Variants in GPC6 observed in about 807,000 individuals in gnomAD.
GPC6 encodes the protein glypican 6, also known as glypican-6.
In GPC6, 14 loss-of-function variants were observed where a neutral mutation model predicts 55.2. The ratio of observed to expected loss-of-function variants is 0.25; its 90% confidence interval spans 0.17 to 0.40. GPC6 has a LOEUF of 0.40. GPC6 is among the 10% of genes least tolerant of loss of function. The probability of loss-of-function intolerance (pLI) is 1.00; values close to 1 mark genes in which losing one functional copy is unlikely to be tolerated. For missense variants in GPC6, 641 were observed against 708.5 expected (o/e 0.90, Z 1.08); for synonymous variants, 278 against 259.6 (o/e 1.07, Z -0.68).
chr13:94,023,213 GT>G (rs1882768001), intron 3 of GPC6, among the ~76,000 whole-genome samples: 1 of 151,572 alleles, frequency 6.6e-6, no homozygotes, highest in Non-Finnish European at 1.5e-5. Flanking sequence ...AGCTTGAGGT[GT>G]TATTCTATTT....
At chr13:94,205,960 G>A (rs1042640397) in intron 4 of GPC6, among the ~76,000 whole-genome samples, 1 of 152,138 alleles carries the variant, frequency 6.6e-6, no homozygotes, top group Non-Finnish European at 1.5e-5. Context: ...TGTGTGTAGG[G>A]TGCTGCTGGC....
At chr13:93,503,454 T>C (rs1159883144) in intron 1 of GPC6, among the ~76,000 whole-genome samples, 2 of 152,198 alleles carry the variant, frequency 1.3e-5, no homozygotes, top group African/African-American at 4.8e-5. Context: ...TTTTCATATT[T>C]CACTTTTCAA....
chr13:93,341,480 G>A (rs536156177), intron 1 of GPC6, among the ~76,000 whole-genome samples: 32 of 152,156 alleles, frequency 2.1e-4, no homozygotes, highest in Non-Finnish European at 3.7e-4. Context: ...GTTTTAATTT[G>A]CATATCCCTG....
chr13:93,495,979 T>C (rs1288446256), intron 1 of GPC6, among the ~76,000 whole-genome samples: 3 of 150,892 alleles, frequency 2.0e-5, no homozygotes, highest in African/African-American at 7.3e-5. Flanking sequence ...GTCTTTTTGT[T>C]TGTCTGTGCC....
chr13:93,263,967 C>T (rs756774938), intron 1 of GPC6, among the ~76,000 whole-genome samples: 16 of 152,120 alleles, frequency 1.1e-4, no homozygotes, highest in Non-Finnish European at 1.9e-4. Context: ...TCACTTGTTG[C>T]ACACCTCCAG....
At chr13:93,267,393 G>GT (rs201195056) in intron 1 of GPC6, among the ~76,000 whole-genome samples, 43,206 of 147,330 alleles carry the variant, frequency 0.29, 6,252 homozygotes, top group East Asian at 0.45. Flanking sequence ...ACAGGAGAGG[G>GT]TTTTTTTTTT....
intron 2 of GPC6, among the ~76,000 whole-genome samples, chr13:93,596,717 CAT>C (rs1877758468): frequency 1.4e-5 from 2 of 146,442 alleles, no homozygotes; most frequent in Admixed American, 6.9e-5. Context: ...TGTGTATACA[CAT>C]ATATAAGTGT....
chr13:93,407,016 C>T (rs1055975715), intron 1 of GPC6, among the ~76,000 whole-genome samples: 8 of 152,048 alleles, frequency 5.3e-5, no homozygotes, highest in African/African-American at 9.7e-5. Flanking sequence ...GGGCACTCTA[C>T]GTTAGATTGT....
At chr13:94,331,245 C>G (rs755616708) in intron 6 of GPC6, among the ~76,000 whole-genome samples, 1 of 152,132 alleles carries the variant, frequency 6.6e-6, no homozygotes, top group Non-Finnish European at 1.5e-5. Flanking sequence ...CAGCCCTGCT[C>G]ATTCATTTAG....
intron 1 of GPC6, among the ~76,000 whole-genome samples, chr13:93,252,554 T>C (rs967200336): frequency 6.6e-6 from 1 of 152,236 alleles, no homozygotes; most frequent in East Asian, 1.9e-4. Flanking sequence ...CTAAGCCTCT[T>C]GGTTCCTGTT....
intron 6 of GPC6, among the ~76,000 whole-genome samples, chr13:94,339,327 G>A (rs919501110): frequency 6.6e-6 from 1 of 152,138 alleles, no homozygotes; most frequent in Non-Finnish European, 1.5e-5. Context: ...GCCTCCCAAA[G>A]TGCTGGGATT....
intron 2 of GPC6, among the ~76,000 whole-genome samples, chr13:93,807,284 T>C (rs1378345407): frequency 6.6e-6 from 1 of 152,152 alleles, no homozygotes; most frequent in African/African-American, 2.4e-5. Context: ...TCTCCACTAA[T>C]GAATAAAAAT....
intron 2 of GPC6, among the ~76,000 whole-genome samples, chr13:93,823,949 G>A (rs561021605): frequency 1.3e-5 from 2 of 152,122 alleles, no homozygotes; most frequent in Non-Finnish European, 2.9e-5. Flanking sequence ...AGATGCAGAA[G>A]TGGCAAATCC....
At chr13:93,892,565 A>C (rs1480954417) in intron 3 of GPC6, among the ~76,000 whole-genome samples, 1 of 152,210 alleles carries the variant, frequency 6.6e-6, no homozygotes, top group Non-Finnish European at 1.5e-5. Context: ...TTAGCAGTAA[A>C]ACACACAAAA....
At chr13:93,707,435 AT>A (rs1422672194) in intron 2 of GPC6, among the ~76,000 whole-genome samples, 1 of 151,746 alleles carries the variant, frequency 6.6e-6, no homozygotes, top group Non-Finnish European at 1.5e-5. Context: ...AGCATATTCC[AT>A]TTGGTGAAGA....
chr13:93,293,381 G>T (rs1006425632), intron 1 of GPC6, among the ~76,000 whole-genome samples: 1 of 152,112 alleles, frequency 6.6e-6, no homozygotes, highest in Non-Finnish European at 1.5e-5. Context: ...TCCTTTTCCA[G>T]AAATTAATCT....
chr13:93,663,832 A>C (rs189754891), intron 2 of GPC6, among the ~76,000 whole-genome samples: 1 of 152,166 alleles, frequency 6.6e-6, no homozygotes, highest in African/African-American at 2.4e-5. Flanking sequence ...AAAATGCATA[A>C]AATGAAGTGA....
rs757675535 is a variant in GPC6 at position 94,109,226 on chromosome 13, A to G, written c.877+81332A>G. ...ACTGTCATGAATGAGTGCCCAGTGG[A>G]TGGGTGCTATGGCAGCAGAGATTTT... On this transcript the variant is annotated intron_variant, in intron 4 of 8. Coordinates refer to ENST00000377047, the MANE Select transcript of GPC6 (RefSeq NM_005708.5). Among the ~76,000 whole-genome samples the G allele has an allele frequency of 1.3e-4, 20 of 152,224 alleles. 1 individual carries two copies. The highest frequency in any genetic ancestry group is 4.1e-4 in the South Asian group (2 of 4,834).
intron 4 of GPC6, among the ~76,000 whole-genome samples, chr13:94,060,061 T>C (rs999775934): frequency 2.6e-5 from 4 of 152,082 alleles, no homozygotes; most frequent in African/African-American, 9.7e-5. Flanking sequence ...AAATTTATTA[T>C]ACAGAAAAAA....
Sources: gnomAD v4.1 joint callset for allele counts (sites outside exome capture counted in the v4.1 genomes callset) on GRCh38, gnomAD v4.1.1 for gene constraint, MANE v1.5 for transcripts, NCBI Gene and HGNC (gene_info 2026-07-23, HGNC 2026-07-21) for gene names.